Variants in BAIAP2L1 observed in about 807,000 individuals in gnomAD.
BAIAP2L1 encodes BAR/IMD domain containing adaptor protein 2 like 1, also known as BAR/IMD domain-containing adapter protein 2-like 1.
BAIAP2L1 carries 35 observed loss-of-function variants against 66.3 expected under a neutral mutation model. The ratio of observed to expected loss-of-function variants is 0.53; its 90% CI spans 0.40 to 0.70. BAIAP2L1 has a LOEUF of 0.70. BAIAP2L1 is among the 30% of genes least tolerant of loss of function. BAIAP2L1 has a pLI of 0.00. For missense variants in BAIAP2L1, 622 were observed against 656.9 expected, an observed-to-expected ratio of 0.95 and a Z score of 0.58; for synonymous variants, 269 against 248.7, an observed-to-expected ratio of 1.08 and a Z score of -0.77.
chr7:98,292,980 CTCT>C lies in BAIAP2L1; in HGVS notation c.*538_*540del. The C allele has an allele frequency of 1.7e-6, 2 of 1,187,200 alleles. No homozygotes were observed. The highest frequency in any genetic ancestry group is 1.0e-6 in the Non-Finnish European group (1 of 958,352). The allele number at this position is 1,187,200 out of a possible 1,614,324, so 73.5% of individuals were successfully genotyped here. A position where few individuals can be genotyped will look rare whatever the true frequency, so the allele number is the denominator to read the frequency against. ...GGAGGGAGGGTGGGGGTTTCTCCAT[CTCT>C]GGAAGCTCTACACTTAAACATTTTA... On this transcript the variant is annotated 3_prime_UTR_variant, in exon 14 of 14. Transcript: ENST00000005260.
chr7:98,384,349 ATTAG>A (rs1198143356), intron 1 of BAIAP2L1, among the ~76,000 whole-genome samples: 1 of 152,192 alleles, frequency 6.6e-6, no homozygotes, highest in East Asian at 1.9e-4. Context: ...CCAGTAACTG[ATTAG>A]TTACTGATTC....
chr7:98,362,880 G>C (rs1297215305), intron 1 of BAIAP2L1, among the ~76,000 whole-genome samples: 1 of 152,044 alleles, frequency 6.6e-6, no homozygotes, highest in East Asian at 1.9e-4. Context: ...CCACTGAATA[G>C]AAATTTCCAG....
intron 1 of BAIAP2L1, among the ~76,000 whole-genome samples, chr7:98,366,001 G>A (rs1485910739): frequency 1.3e-5 from 2 of 152,144 alleles, no homozygotes; most frequent in South Asian, 2.1e-4. Context: ...CGTCACTGCC[G>A]GCTGGAAGCT....
intron 1 of BAIAP2L1, among the ~76,000 whole-genome samples, chr7:98,380,739 T>C (rs1217934317): frequency 7.0e-6 from 1 of 143,176 alleles, no homozygotes; most frequent in Non-Finnish European, 1.5e-5. Context: ...CCGGTCCGTT[T>C]TTTTTTTTTT....
intron 3 of BAIAP2L1, among the ~76,000 whole-genome samples, chr7:98,349,170 G>T (rs1801943161): frequency 6.6e-6 from 1 of 152,136 alleles, no homozygotes; most frequent in Non-Finnish European, 1.5e-5. Context: ...TGTAGAAAAA[G>T]GTGACAGCTA....
At position 98,293,584 on chromosome 7, in the gene BAIAP2L1, G is replaced by C. The variant is rs371322722; in HGVS notation, c.1473C>G (p.Pro491=). 5.1e-5 allele frequency: 82 copies of C among 1,613,738 alleles called. No homozygotes were observed. The highest frequency in any genetic ancestry group is 5.8e-5 in the Non-Finnish European group (69 of 1,179,808). ...TCGGGCGGAGTTTCACAGTGGCAAA[G>C]GGGTTTTCTCCGCTGCAGGGGATAA... ...AKPPFLSGEN[P]FATVKLRPTV... Residue 491 remains proline, a synonymous_variant, in exon 14 of 14, where the codon CCC becomes CCG. Coordinates refer to ENST00000005260, the MANE Select transcript of BAIAP2L1 (RefSeq NM_018842.5).
intron 1 of BAIAP2L1, among the ~76,000 whole-genome samples, chr7:98,365,050 G>T (rs1802363956): frequency 6.9e-6 from 1 of 144,640 alleles, no homozygotes; most frequent in South Asian, 2.2e-4. Context: ...TTAGCATCTG[G>T]GTCTGCTGAA....
intron 1 of BAIAP2L1, 71 bp downstream of exon 1, chr7:98,400,731 C>A: frequency 1.3e-6 from 2 of 1,507,924 alleles, no homozygotes; most frequent in South Asian, 2.4e-5. Context: ...AGTACCTTCC[C>A]GCGTAAAGTC....
At chr7:98,371,466 T>C (rs973882286) in intron 1 of BAIAP2L1, among the ~76,000 whole-genome samples, 2 of 152,226 alleles carry the variant, frequency 1.3e-5, no homozygotes, top group Non-Finnish European at 2.9e-5. Context: ...AAATAAAATG[T>C]TGGAGAACAG....
chr7:98,323,524 C>T (rs1364423744), intron 3 of BAIAP2L1: 3 of 152,228 alleles, frequency 2.0e-5, no homozygotes, highest in Non-Finnish European at 4.4e-5. Context: ...ATTTCCACAA[C>T]CTTATATAAT....
rs374517924 is a variant in BAIAP2L1, at chr7:98,315,623, A to T, written c.487-11T>A. On this transcript the variant is annotated splice_polypyrimidine_tract_variant and intron_variant, in intron 6 of 13. Transcript: ENST00000005260. ...AACGGTCTCCACATACTAAAAAAAA[A>T]AAAATAATAATAATAATAATTATAT... 1.1e-5 allele frequency: 13 copies of T among 1,207,756 alleles called. No individual in the cohort carries two copies. The South Asian group carries it at 3.0e-4, about 28-fold the overall frequency. The allele number at this position is 1,207,756 out of a possible 1,614,324, so 74.8% of individuals were successfully genotyped here.
At chr7:98,364,986 C>CAAAAAAAAAAAAAAAAAAA (rs531177927) in intron 1 of BAIAP2L1, among the ~76,000 whole-genome samples, 1 of 30,780 alleles carries the variant, frequency 3.2e-5, no homozygotes, top group Non-Finnish European at 5.4e-5. Context: ...GGATATGTCT[C>CAAAAAAAAAAAAAAAAAAA]AAAAAAAAAA....
intron 3 of BAIAP2L1, among the ~76,000 whole-genome samples, chr7:98,349,440 C>G (rs1041405555): frequency 6.6e-6 from 1 of 152,204 alleles, no homozygotes; most frequent in Admixed American, 6.5e-5. Flanking sequence ...GTGATTTCCA[C>G]TATCCTTACC....
chr7:98,393,116 C>T (rs143991485), intron 1 of BAIAP2L1, among the ~76,000 whole-genome samples: 1,915 of 116,632 alleles, frequency 0.016, 334 homozygotes, highest in African/African-American at 0.071. Context: ...TATATGTACA[C>T]ATATATGTAT....
In BAIAP2L1 at chr7:98,401,062, AGAG is replaced by A. The variant is rs571756841; in HGVS notation, c.-213_-211del. On this transcript the variant is annotated 5_prime_UTR_variant, in exon 1 of 14. Coordinates refer to ENST00000005260, the MANE Select transcript of BAIAP2L1 (RefSeq NM_018842.5). ...GCCGCCCTGGCCTTCTTCGAGGAGC[AGAG>A]GAGAAGCGGCCGGACGCCGCCAGAG... 2.5e-4 allele frequency: 97 copies of A among 387,980 alleles called. 1 individual carries two copies. Among genetic ancestry groups the A allele is most frequent in the African/African-American group, 1.8e-3 (86 of 46,850 alleles). The allele number at this position is 387,980 out of a possible 1,614,324, so 24.0% of individuals were successfully genotyped here.
At chr7:98,354,908 G>T in intron 3 of BAIAP2L1, 134 bp downstream of exon 3, 1 of 683,500 alleles carries the variant, frequency 1.5e-6, no homozygotes, top group South Asian at 1.8e-5. Context: ...AATTTCCACA[G>T]ACCGCGGTGA....
At chr7:98,328,462 G>C (rs1422443884) in intron 3 of BAIAP2L1, among the ~76,000 whole-genome samples, 10 of 152,068 alleles carry the variant, frequency 6.6e-5, no homozygotes, top group Non-Finnish European at 1.5e-4. Context: ...TCTGTGTAGA[G>C]TGCCTGCTCC....
chr7:98,377,998 A>G (rs1021456183), intron 1 of BAIAP2L1, among the ~76,000 whole-genome samples: 3 of 151,764 alleles, frequency 2.0e-5, no homozygotes, highest in African/African-American at 7.3e-5. Flanking sequence ...TTAGCTGGGC[A>G]TAGTGGCGCA....
In BAIAP2L1 at chr7:98,356,643, C is replaced by T. The variant is rs943375081; in HGVS notation, c.128-1515G>A. Among the ~76,000 whole-genome samples the T allele has an allele frequency of 8.9e-5, 12 of 134,410 alleles. No homozygotes were observed. The South Asian group carries it at 9.5e-4, about 11-fold the overall frequency. 88.2% of individuals were successfully genotyped at this position (134,410 alleles called of 152,430 possible). A position where few individuals can be genotyped will look rare whatever the true frequency, so the allele number is the denominator to read the frequency against. On this transcript the variant is annotated intron_variant, in intron 2 of 13. Coordinates refer to ENST00000005260, the MANE Select transcript of BAIAP2L1 (RefSeq NM_018842.5). The stretch of plus-strand genomic sequence containing the variant: ...TCCCAAGTAGCTGGGACTACAGGCA[C>T]GTGCCACCATTCCTGGCTAATTAAA...
Sources: allele counts gnomAD v4.1 joint callset (sites outside exome capture counted in the v4.1 genomes callset), GRCh38; gene constraint gnomAD v4.1.1; transcripts MANE v1.5; gene names NCBI Gene and HGNC (gene_info 2026-07-23, HGNC 2026-07-21).